CSMD1: variants seen among roughly 807,000 people sequenced by gnomAD.
The protein encoded by CSMD1 is CUB and sushi domain-containing protein 1.
A neutral mutation model predicts 417.5 loss-of-function variants in CSMD1; 213 were observed. That is an observed-to-expected ratio of 0.51 (90% CI 0.46 to 0.57). The LOEUF (loss-of-function observed/expected upper bound fraction) is 0.57, where lower values mean the gene tolerates loss of function less well. Ranked by LOEUF, CSMD1 falls within the 20% of genes least tolerant of loss-of-function variation. The pLI, the probability that CSMD1 is intolerant of heterozygous loss-of-function variation, is 0.00. For missense variants in CSMD1, 6,923 were observed against 4,529.7 expected (o/e 1.53, Z -15.17); for synonymous variants, 2,862 against 1,736.8 (o/e 1.65, Z -16.11).
chr8:3,187,784 G>C (rs1290917569), intron 36 of CSMD1, 85 bp downstream of exon 36: 9 of 957,026 alleles, frequency 9.4e-6, no homozygotes, highest in African/African-American at 1.6e-5. Context: ...AAATTTCTAT[G>C]TGGAGTGTTT....
intron 1 of CSMD1, among the ~76,000 whole-genome samples, chr8:4,865,432 T>G (rs1203619758): frequency 6.6e-6 from 1 of 151,788 alleles, no homozygotes; most frequent in Admixed American, 6.6e-5. Flanking sequence ...AGGTTGTCAT[T>G]TTCTTTCTGC....
chr8:3,905,692 A>T (rs2129136391), intron 5 of CSMD1, among the ~76,000 whole-genome samples: 1 of 152,272 alleles, frequency 6.6e-6, no homozygotes, highest in East Asian at 1.9e-4. Flanking sequence ...TGAGAACCAC[A>T]CTCAGTATCT....
intron 42 of CSMD1, among the ~76,000 whole-genome samples, chr8:3,111,164 C>G (rs972900961): frequency 1.3e-5 from 2 of 152,076 alleles, no homozygotes; most frequent in African/African-American, 4.8e-5. Flanking sequence ...AGATTTGCCA[C>G]AAATGGTATA....
chr8:3,998,738 AAACT>A (rs1815422985), intron 4 of CSMD1, among the ~76,000 whole-genome samples: 1 of 152,102 alleles, frequency 6.6e-6, no homozygotes, highest in South Asian at 2.1e-4. Flanking sequence ...TTTAAAATAG[AAACT>A]AACAATTAAA....
At chr8:3,305,495 G>T (rs1241466972) in intron 25 of CSMD1, among the ~76,000 whole-genome samples, 1 of 152,040 alleles carries the variant, frequency 6.6e-6, no homozygotes, top group Non-Finnish European at 1.5e-5. Context: ...ATGGGAGTGG[G>T]TTAGCTATAG....
rs767720881 is a variant in CSMD1, at chr8:3,586,152, G to C, written c.1206C>G (p.His402Gln). ...VTETLAAWSD[H>Q]RPICRARTCG... The stretch of plus-strand genomic sequence containing the variant: ...GTGCCTTACCTCGGCAGATGGGCCT[G>C]TGGTCACTCCAAGCAGCGAGCGTCT... The change falls in exon 9 of 70, where the codon CAC becomes CAG. Residue 402 changes from histidine (H) to glutamine (Q), a missense_variant. By Grantham distance (24) the His-to-Gln change is conservative. Coordinates refer to ENST00000635120, the MANE Select transcript of CSMD1 (RefSeq NM_033225.6). 2 of 1,612,834 alleles carry C rather than the reference G, an allele frequency of 1.2e-6. No individual in the cohort carries two copies. The highest frequency in any genetic ancestry group is 2.2e-5 in the East Asian group (1 of 44,798).
chr8:4,090,976 C>A (rs779547365), intron 3 of CSMD1, among the ~76,000 whole-genome samples: 8 of 150,440 alleles, frequency 5.3e-5, no homozygotes, highest in Admixed American at 1.3e-4. Context: ...TGGAGTGCAG[C>A]GGTGCAATCC....
chr8:4,619,529 G>A (rs980907361), intron 2 of CSMD1, among the ~76,000 whole-genome samples: 3 of 152,106 alleles, frequency 2.0e-5, no homozygotes, highest in Admixed American at 6.6e-5. Flanking sequence ...GAGTCCAAAC[G>A]TTTTGCTAAG....
intron 11 of CSMD1, among the ~76,000 whole-genome samples, chr8:3,477,614 A>T (rs958385385): frequency 2.0e-5 from 3 of 152,202 alleles, no homozygotes; most frequent in African/African-American, 7.2e-5. Flanking sequence ...GTTGATAAAT[A>T]TCTCTGGTAC....
intron 1 of CSMD1, among the ~76,000 whole-genome samples, chr8:4,945,454 G>C (rs1170350775): frequency 3.3e-5 from 5 of 151,680 alleles, no homozygotes; most frequent in Non-Finnish European, 7.4e-5. Flanking sequence ...CAGCATTTTG[G>C]GAAGCTGAGG....
chr8:4,561,658 G>C (rs1474891634), intron 2 of CSMD1, among the ~76,000 whole-genome samples: 1 of 152,108 alleles, frequency 6.6e-6, no homozygotes, highest in Non-Finnish European at 1.5e-5. Context: ...ATCCAGCCTG[G>C]ATGACACAGT....
intron 1 of CSMD1, among the ~76,000 whole-genome samples, chr8:4,859,161 G>C (rs1801982531): frequency 6.6e-6 from 1 of 151,930 alleles, no homozygotes; most frequent in African/African-American, 2.4e-5. Flanking sequence ...AACAAGCAAT[G>C]GGGAAAGGAT....
At chr8:4,503,300 T>C (rs1361424794) in intron 2 of CSMD1, among the ~76,000 whole-genome samples, 2 of 152,162 alleles carry the variant, frequency 1.3e-5, no homozygotes, top group Non-Finnish European at 2.9e-5. Flanking sequence ...TGTTGAAGTA[T>C]TTGCTGTCAT....
At chr8:4,905,946 A>G (rs1177490529) in intron 1 of CSMD1, among the ~76,000 whole-genome samples, 2 of 151,790 alleles carry the variant, frequency 1.3e-5, no homozygotes, top group Non-Finnish European at 2.9e-5. Flanking sequence ...AGTTTCCCAA[A>G]CCCCCATTCA....
intron 7 of CSMD1, among the ~76,000 whole-genome samples, chr8:3,647,283 C>T (rs1283334738): frequency 6.6e-6 from 1 of 152,170 alleles, no homozygotes; most frequent in East Asian, 1.9e-4. Flanking sequence ...GGTGGCAGAA[C>T]CACCCAATGT....
chr8:4,637,097 T>C (rs931513583), intron 2 of CSMD1, among the ~76,000 whole-genome samples: 1 of 152,124 alleles, frequency 6.6e-6, no homozygotes, highest in African/African-American at 2.4e-5. Context: ...TGCTGTGCTG[T>C]GGAAACTTTA....
chr8:4,098,202 T>G (rs943649687), intron 3 of CSMD1, among the ~76,000 whole-genome samples: 1 of 152,238 alleles, frequency 6.6e-6, no homozygotes, highest in Non-Finnish European at 1.5e-5. Flanking sequence ...TTCAACACAA[T>G]TCTATACACA....
intron 2 of CSMD1, among the ~76,000 whole-genome samples, chr8:4,461,414 T>C (rs1247856716): frequency 3.3e-5 from 5 of 151,696 alleles, no homozygotes; most frequent in Non-Finnish European, 7.4e-5. Context: ...AAGATAAAAA[T>C]ATAACTATTT....
intron 10 of CSMD1, among the ~76,000 whole-genome samples, chr8:3,499,629 T>C (rs1043032122): frequency 2.0e-5 from 3 of 152,090 alleles, no homozygotes; most frequent in East Asian, 3.9e-4. Context: ...CTTGGGAGCA[T>C]GCACTTTGGC....
Sources: gnomAD v4.1 joint callset for allele counts (sites outside exome capture counted in the v4.1 genomes callset) on GRCh38, gnomAD v4.1.1 for gene constraint, MANE v1.5 for transcripts, NCBI Gene and HGNC (gene_info 2026-07-23, HGNC 2026-07-21) for gene names.